Variants in CDH13 observed in about 807,000 individuals in gnomAD.
CDH13 encodes cadherin-13.
Under a neutral mutation model 63.8 loss-of-function variants are expected in CDH13, and 24 were observed. The observed-to-expected ratio is 0.38, with a 90% CI of 0.27 to 0.53. The LOEUF (loss-of-function observed/expected upper bound fraction) is 0.53. Ranked by LOEUF, CDH13 falls within the 20% of genes least tolerant of loss-of-function variation. The probability of loss-of-function intolerance (pLI) is 0.85; values close to 1 mark genes in which losing one functional copy is unlikely to be tolerated. For missense variants in CDH13, 1,049 were observed against 903.1 expected, an observed-to-expected ratio of 1.16 and a Z score of -2.07; for synonymous variants, 503 against 355.3, an observed-to-expected ratio of 1.42 and a Z score of -4.67.
chr16:82,821,573 C>G (rs977038642), intron 1 of CDH13, among the ~76,000 whole-genome samples: 3 of 152,218 alleles, frequency 2.0e-5, no homozygotes, highest in Admixed American at 6.5e-5. Context: ...ACAAGTGGCA[C>G]AGACAGTCAT....
chr16:83,350,924 AG>A (rs1375573814), intron 6 of CDH13, among the ~76,000 whole-genome samples: 1 of 152,214 alleles, frequency 6.6e-6, no homozygotes, highest in Non-Finnish European at 1.5e-5. Flanking sequence ...CATAAGAAAA[AG>A]CCAGCCGATC....
intron 2 of CDH13, among the ~76,000 whole-genome samples, chr16:82,977,649 T>C (rs1381004320): frequency 6.6e-6 from 1 of 152,170 alleles, no homozygotes; most frequent in Admixed American, 6.5e-5. Context: ...CTCTTTCCTT[T>C]ATAAATTACC....
intron 4 of CDH13, among the ~76,000 whole-genome samples, chr16:83,142,265 A>G (rs2036568007): frequency 6.9e-6 from 1 of 145,922 alleles, no homozygotes; most frequent in Non-Finnish European, 1.5e-5. Flanking sequence ...GGTTCCAGCC[A>G]TTCTCCTGTC....
At chr16:82,906,685 T>G (rs1292435917) in intron 2 of CDH13, among the ~76,000 whole-genome samples, 1 of 152,116 alleles carries the variant, frequency 6.6e-6, no homozygotes, top group East Asian at 1.9e-4. Flanking sequence ...TTCTCACAGT[T>G]CTAGTGGTTA....
intron 5 of CDH13, among the ~76,000 whole-genome samples, chr16:83,242,186 G>A (rs28408235): frequency 6.6e-6 from 1 of 152,066 alleles, no homozygotes; most frequent in Admixed American, 6.5e-5. Context: ...CATTGAGCTA[G>A]ATATTTGTCT....
At chr16:82,823,180 C>T (rs2038084909) in intron 1 of CDH13, 1 of 152,176 alleles carries the variant, frequency 6.6e-6, no homozygotes. Flanking sequence ...CACACAGTGT[C>T]ACCTTTGCCA....
At chr16:82,997,462 T>C (rs1227809133) in intron 2 of CDH13, among the ~76,000 whole-genome samples, 3 of 152,178 alleles carry the variant, frequency 2.0e-5, no homozygotes, top group African/African-American at 7.2e-5. Flanking sequence ...CAATATTTTA[T>C]AAAAATAAAA....
At chr16:82,767,925 G>C (rs41378053) in intron 1 of CDH13, among the ~76,000 whole-genome samples, 12,030 of 152,236 alleles carry the variant, frequency 0.079, 603 homozygotes, top group East Asian at 0.23. Flanking sequence ...GAGCCAAAAG[G>C]AGTGGATCTA....
intron 6 of CDH13, among the ~76,000 whole-genome samples, chr16:83,477,909 C>T (rs778965474): frequency 7.2e-5 from 11 of 152,150 alleles, no homozygotes; most frequent in South Asian, 2.1e-4. Flanking sequence ...TGGCTGGACG[C>T]GGTGGCTCAT....
At chr16:82,917,961 G>A (rs998345276) in intron 2 of CDH13, among the ~76,000 whole-genome samples, 4 of 150,556 alleles carry the variant, frequency 2.7e-5, no homozygotes, top group African/African-American at 9.9e-5. Context: ...ATGCACATGT[G>A]AGGAGCAGCA....
intron 2 of CDH13, among the ~76,000 whole-genome samples, chr16:82,968,340 T>G (rs1269331217): frequency 6.6e-6 from 1 of 152,196 alleles, no homozygotes; most frequent in Non-Finnish European, 1.5e-5. Flanking sequence ...AGAAAATGTG[T>G]AATTTTCCAA....
chr16:82,929,306 C>G (rs2042402528), intron 2 of CDH13, among the ~76,000 whole-genome samples: 2 of 151,926 alleles, frequency 1.3e-5, no homozygotes, highest in South Asian at 4.2e-4. Flanking sequence ...AGATTAGTGT[C>G]TTTATAAAAG....
chr16:83,388,240 A>G (rs1183229503), intron 6 of CDH13, among the ~76,000 whole-genome samples: 1 of 149,898 alleles, frequency 6.7e-6, no homozygotes, highest in Non-Finnish European at 1.5e-5. Flanking sequence ...TAAGTCCAGG[A>G]GTTGGAGACC....
Position 83,795,736 on chromosome 16 carries a change from A to AAGG in CDH13, c.*710_*712dup, listed in dbSNP as rs2151024659. The AAGG allele has an allele frequency of 6.6e-6, 1 of 152,492 alleles. No individual in the cohort carries two copies. Among genetic ancestry groups the AAGG allele is most frequent in the South Asian group, 2.1e-4 (1 of 4,826 alleles). The allele number at this position is 152,492 out of a possible 1,614,324, so 9.4% of individuals were successfully genotyped here. Reference sequence around the variant, plus strand: ...CCATCTGATGCCGTGATCCTGAGCCAAGGAGGTGAGGAGCAGAGCAGGCAA... The same window carrying AAGG: ...CCATCTGATGCCGTGATCCTGAGCCAAGGAGGAGGTGAGGAGCAGAGCAGGCAA... On this transcript the variant is annotated 3_prime_UTR_variant, in exon 14 of 14. Transcript: ENST00000567109.
At chr16:82,637,095 A>G (rs1430598089) in intron 1 of CDH13, among the ~76,000 whole-genome samples, 1 of 152,202 alleles carries the variant, frequency 6.6e-6, no homozygotes, top group Non-Finnish European at 1.5e-5. Flanking sequence ...GATTATCTAA[A>G]TCATTATCAC....
chr16:82,888,521 C>T (rs1281426202), intron 2 of CDH13, among the ~76,000 whole-genome samples: 1 of 152,216 alleles, frequency 6.6e-6, no homozygotes, highest in Admixed American at 6.5e-5. Context: ...CCCACAGCAT[C>T]TCCTGGTCGC....
intron 5 of CDH13, among the ~76,000 whole-genome samples, chr16:83,238,191 A>G (rs897800252): frequency 2.0e-5 from 3 of 150,428 alleles, no homozygotes; most frequent in African/African-American, 7.3e-5. Flanking sequence ...TCATACTGCT[A>G]TGAAGAAATA....
chr16:82,791,091 G>T (rs1366789549), intron 1 of CDH13, among the ~76,000 whole-genome samples: 3 of 152,146 alleles, frequency 2.0e-5, no homozygotes, highest in East Asian at 1.9e-4. Context: ...CTAAATATTA[G>T]CTGGGCGTGG....
At chr16:82,810,058 C>T (rs778933572) in intron 1 of CDH13, among the ~76,000 whole-genome samples, 16 of 152,166 alleles carry the variant, frequency 1.1e-4, no homozygotes, top group Non-Finnish European at 1.8e-4. Context: ...TCATGTTTGC[C>T]AACAGTGATT....
Sources: gnomAD v4.1 joint callset for allele counts (sites outside exome capture counted in the v4.1 genomes callset) on GRCh38, gnomAD v4.1.1 for gene constraint, MANE v1.5 for transcripts, NCBI Gene and HGNC (gene_info 2026-07-23, HGNC 2026-07-21) for gene names.